NOTCH3: variants seen among roughly 807,000 people sequenced by gnomAD.
The protein encoded by NOTCH3 is neurogenic locus notch homolog protein 3.
Under a neutral mutation model 213.3 loss-of-function variants are expected in NOTCH3, and 86 were observed. The observed-to-expected ratio is 0.40, with a 90% CI of 0.34 to 0.48. The LOEUF (loss-of-function observed/expected upper bound fraction) is 0.48, where lower values mean the gene tolerates loss of function less well. Ranked by LOEUF, NOTCH3 falls within the 20% of genes least tolerant of loss-of-function variation. NOTCH3 has a pLI of 0.57. For synonymous variants in NOTCH3, 1,354 were observed against 1,355.9 expected, an observed-to-expected ratio of 1.00 and a Z score of 0.03; for missense variants, 2,783 against 3,272.6, an observed-to-expected ratio of 0.85 and a Z score of 3.65.
chr19:15,179,760 T>C (rs2046823770), intron 20 of NOTCH3: 1 of 588,754 alleles, frequency 1.7e-6, no homozygotes, highest in Admixed American at 2.9e-5. Context: ...TGGGTGCCTG[T>C]ACTCCCAGCT....
In NOTCH3 at chr19:15,192,446, C is replaced by G. The variant is rs746148651; in HGVS notation, c.271G>C (p.Gly91Arg). ...PCHSGPCAGRGVCQSSVVAGT... is the reference protein window; with the variant it reads ...PCHSGPCAGRRVCQSSVVAGT... ...GCCACCACTGAACTCTGGCAGACAC[C>G]ACGGCCAGCACAGGGGCCTGAGTGA... Residue 91 changes from glycine (G) to arginine (R), a missense_variant, in exon 3 of 33, where the codon GGT becomes CGT. Physicochemically the swap from Gly to Arg is moderately radical, Grantham distance 125. Transcript: ENST00000263388. 7 of 1,612,376 alleles carry G rather than the reference C, an allele frequency of 4.3e-6. No individual in the cohort carries two copies. The Admixed American group carries it at 1.2e-4, about 27-fold the overall frequency.
In NOTCH3 at chr19:15,180,161, G is replaced by C; in HGVS notation, c.3238C>G (p.His1080Asp). 1 of 1,613,668 alleles carries C rather than the reference G, an allele frequency of 6.2e-7. No homozygotes were observed. Among genetic ancestry groups the C allele is most frequent in the Non-Finnish European group, 8.5e-7 (1 of 1,179,946 alleles). The change falls in exon 20 of 33, where the codon CAC becomes GAC. Residue 1080 changes from histidine to aspartate, a missense_variant. Transcript: ENST00000263388. ...CAGGGGTCCACCTCCTGCTCACAGTGGCTACCAGTACGGCCCTCTGGGCAC... is the reference window on the plus strand; with the variant it reads ...CAGGGGTCCACCTCCTGCTCACAGTCGCTACCAGTACGGCCCTCTGGGCAC... ...CVCPEGRTGS[H>D]CEQEVDPCLA... is the part of the protein sequence containing the mutation.
chr19:15,162,826 G>A (rs1266270358), intron 31 of NOTCH3, among the ~76,000 whole-genome samples: 2 of 151,742 alleles, frequency 1.3e-5, no homozygotes, highest in Admixed American at 6.6e-5. Context: ...TACACAGGGG[G>A]TGCTGTGTGG....
rs1414691701 is a variant in NOTCH3, at chr19:15,166,028, T to C, written c.5426A>G (p.Glu1809Gly). 1 of 1,614,168 alleles carries C rather than the reference T, an allele frequency of 6.2e-7. No individual in the cohort carries two copies. The highest frequency in any genetic ancestry group is 1.7e-5 in the Admixed American group (1 of 60,018). ...TGATGTGTCATCTGCCTCATCCTCTTCAGTTGGCATTGGCTCCAGAGCCCC... is the reference window on the plus strand; with the variant it reads ...TGATGTGTCATCTGCCTCATCCTCTCCAGTTGGCATTGGCTCCAGAGCCCC... ...CGGALEPMPT[E>G]EDEADDTSAS... The change falls in exon 30 of 33, where the codon GAA (glutamate) becomes GGA (glycine). Residue 1809 changes from glutamate to glycine, a missense_variant. Glu to Gly is a moderately conservative substitution (Grantham distance 98). Transcript: ENST00000263388.
In NOTCH3 at chr19:15,173,439, AAAAG is replaced by A. The variant is rs1374796618; in HGVS notation, c.4736+625_4736+628del. On this transcript the variant is annotated intron_variant, in intron 25 of 32. Coordinates refer to ENST00000263388, the MANE Select transcript of NOTCH3 (RefSeq NM_000435.3). The stretch of plus-strand genomic sequence containing the variant: ...TCCGTCTCAAAAAAAAAAAAAAAAA[AAAAG>A]AGAGAGAGAGATGGGAGTCTTGCTA... Among the ~76,000 whole-genome samples the A allele has an allele frequency of 5.7e-5, 8 of 140,622 alleles. No individual in the cohort carries two copies. The East Asian group carries it at 1.6e-3, about 28-fold the overall frequency. The allele number at this position is 140,622 out of a possible 152,430, so 92.3% of individuals were successfully genotyped here. A position where few individuals can be genotyped will look rare whatever the true frequency, so the allele number is the denominator to read the frequency against.
rs1167725089 is a variant in NOTCH3 at position 15,180,393 on chromosome 19, T to TC, written c.3143-138dup. 3.0e-6 allele frequency: 3 copies of TC among 1,011,896 alleles called. No individual in the cohort carries two copies. In the Admixed American group the frequency reaches 6.0e-5, roughly 20 times the overall value. The allele number at this position is 1,011,896 out of a possible 1,614,324, so 62.7% of individuals were successfully genotyped here. A position where few individuals can be genotyped will look rare whatever the true frequency, so the allele number is the denominator to read the frequency against. The stretch of plus-strand genomic sequence containing the variant: ...CCACACTCCATCAGGTTGTCACACA[T>TC]CCCCCCAGCAGGCAAGGTCTCATCA... On this transcript the variant is annotated intron_variant, in intron 19 of 32. Coordinates refer to ENST00000263388, the MANE Select transcript of NOTCH3 (RefSeq NM_000435.3).
chr19:15,184,234 A>G (rs1212158079), intron 16 of NOTCH3, 61 bp downstream of exon 16: 5 of 1,504,022 alleles, frequency 3.3e-6, no homozygotes, highest in Non-Finnish European at 4.6e-6. Context: ...CCAGGCACAC[A>G]GTTCAAGCTT....
chr19:15,166,356 T>C (rs895212390), intron 29 of NOTCH3, among the ~76,000 whole-genome samples: 4 of 151,980 alleles, frequency 2.6e-5, no homozygotes, highest in Non-Finnish European at 5.9e-5. Context: ...CAAAGGGTTA[T>C]TCCACCTTGA....
Position 15,165,759 on chromosome 19 carries a change from T to G in NOTCH3, c.5667+28A>C. 1 of 1,606,290 alleles carries G rather than the reference T, an allele frequency of 6.2e-7. No individual in the cohort carries two copies. The highest frequency in any genetic ancestry group is 8.5e-7 in the Non-Finnish European group (1 of 1,179,144). ...GTAAGTCTAATGCCTGCCCCAGCTC[T>G]GAGGTCCAAAGTGTGTGCCTATCTC... On this transcript the variant is annotated intron_variant, in intron 30 of 32. Coordinates refer to ENST00000263388, the MANE Select transcript of NOTCH3 (RefSeq NM_000435.3). This position sits in a 1 kb window ranked among gnomAD's most constrained non-coding sequence, Gnocchi z 4.7.
intron 8 of NOTCH3, 31 bp from the exon 9 acceptor site, chr19:15,188,379 G>T: frequency 7.1e-7 from 1 of 1,418,030 alleles, no homozygotes; most frequent in East Asian, 2.3e-5. Context: ...TAGGAAAGCG[G>T]GGGCTACCCT....
rs1371933859 is a variant in NOTCH3, at chr19:15,170,517, A to T, written c.4928T>A (p.Leu1643Gln). ...PLEPPEPSVP[L>Q]LPLLVAGAVL... ...AGCGCCCGCCACTAGCAGTGGCAGC[A>T]GCGGGACGCTGGGTTCTGGAGGCTC... The change falls in exon 27 of 33, where the codon CTG (leucine) becomes CAG (glutamine). Residue 1643 changes from leucine (L) to glutamine (Q), a missense_variant. Transcript: ENST00000263388. 1 of 1,610,218 alleles carries T rather than the reference A, an allele frequency of 6.2e-7. No individual in the cohort carries two copies. Among genetic ancestry groups the T allele is most frequent in the Non-Finnish European group, 8.5e-7 (1 of 1,179,952 alleles).
chr19:15,180,367 C>A, intron 19 of NOTCH3, 111 bp from the exon 20 acceptor site: 1 of 1,205,404 alleles, frequency 8.3e-7, no homozygotes, highest in Non-Finnish European at 1.2e-6. Flanking sequence ...CAGGATCGCA[C>A]CCACACTCCA....
In NOTCH3 at chr19:15,165,417, C is replaced by T; in HGVS notation, c.5766G>A (p.Val1922=). ...LAARLAVEGM[V]EELIASHADV... ...CAGCATGGCTGGCGATGAGCTCTTC[C>T]ACCATGCCCTCTACTGCCAGGCGGG... Residue 1922 remains valine (V), a synonymous_variant, in exon 31 of 33, where the codon GTG becomes GTA. Transcript: ENST00000263388. This position sits in a 1 kb window ranked among gnomAD's most constrained non-coding sequence, Gnocchi z 4.7. 7 of 1,611,438 alleles carry T rather than the reference C, an allele frequency of 4.3e-6. No individual in the cohort carries two copies. In the South Asian group the frequency reaches 4.4e-5, roughly 10 times the overall value.
At chr19:15,191,901 G>A (rs746234063) in intron 4 of NOTCH3, 34 bp from the exon 5 acceptor site, 17 of 1,613,670 alleles carry the variant, frequency 1.1e-5, no homozygotes, top group Admixed American at 5.0e-5. Context: ...GGTCACCGCC[G>A]GGCTGGCCTG....
Position 15,166,013 on chromosome 19 carries a change from T to C in NOTCH3, c.5441A>G (p.Asp1814Gly). Residue 1814 changes from aspartate (D) to glycine (G), a missense_variant, in exon 30 of 33, where the codon GAT becomes GGT. By Grantham distance (94) the Asp-to-Gly change is moderately conservative (BLOSUM62 -1). This residue lies in a region of NOTCH3 where 636 missense variants were observed against 801.8 expected (regional missense o/e 0.79). Coordinates refer to ENST00000263388, the MANE Select transcript of NOTCH3 (RefSeq NM_000435.3). ...GGAGATGATGCTAGCTGATGTGTCA[T>C]CTGCCTCATCCTCTTCAGTTGGCAT... ...EPMPTEEDEADDTSASIISDL... is the reference protein window; with the variant it reads ...EPMPTEEDEAGDTSASIISDL... 4 of 1,614,154 alleles carry C rather than the reference T, an allele frequency of 2.5e-6. No individual in the cohort carries two copies. The highest frequency in any genetic ancestry group is 3.4e-6 in the Non-Finnish European group (4 of 1,179,992).
chr19:15,187,380 G>T (rs199558775), intron 10 of NOTCH3, 42 bp from the exon 11 acceptor site: 43 of 1,576,974 alleles, frequency 2.7e-5, no homozygotes, highest in Admixed American at 2.7e-4. Flanking sequence ...CTTGCCAGGG[G>T]CCTGCCCACA....
chr19:15,163,108 T>C (rs2145387127), intron 31 of NOTCH3, among the ~76,000 whole-genome samples: 1 of 152,288 alleles, frequency 6.6e-6, no homozygotes, highest in South Asian at 2.1e-4. Context: ...TTCCACTATG[T>C]TGCCCAAACT....
At chr19:15,170,200 G>A in intron 27 of NOTCH3, 30 bp from the exon 28 acceptor site, 2 of 1,554,650 alleles carry the variant, frequency 1.3e-6, no homozygotes, top group South Asian at 1.1e-5. Flanking sequence ...GGGGATGTGA[G>A]GGGGACACTA....
At chr19:15,179,334 C>T in intron 21 of NOTCH3, 30 bp downstream of exon 21, 1 of 1,611,244 alleles carries the variant, frequency 6.2e-7, no homozygotes, top group South Asian at 1.1e-5. Context: ...AGCCTCTCAT[C>T]CTGTCCCCCC....
Sources: allele counts gnomAD v4.1 joint callset (sites outside exome capture counted in the v4.1 genomes callset), GRCh38; gene constraint gnomAD v4.1.1; regional missense constraint gnomAD v4.1.1; non-coding constraint Gnocchi (gnomAD v3.1); transcripts MANE v1.5; gene names NCBI Gene and HGNC (gene_info 2026-07-23, HGNC 2026-07-21).